The following DFFB variants were observed in gnomAD, a reference collection of about 807,000 sequenced individuals.
The protein encoded by DFFB is DNA fragmentation factor subunit beta.
DFFB carries 29 observed loss-of-function variants against 32.7 expected under a neutral mutation model. The ratio of observed to expected loss-of-function variants is 0.89; its 90% CI spans 0.66 to 1.21. The LOEUF (loss-of-function observed/expected upper bound fraction) is 1.21, where lower values mean the gene tolerates loss of function less well. DFFB is among the 50% of genes most tolerant of loss of function. The probability of loss-of-function intolerance (pLI) is 0.00; values close to 1 mark genes in which losing one functional copy is unlikely to be tolerated. For synonymous variants in DFFB, 170 were observed against 177.1 expected, an observed-to-expected ratio of 0.96 and a Z score of 0.32; for missense variants, 398 against 440.6, an observed-to-expected ratio of 0.90 and a Z score of 0.87.
At chr1:3,861,247 G>T (rs754639810) in intron 2 of DFFB, among the ~76,000 whole-genome samples, 4 of 151,860 alleles carry the variant, frequency 2.6e-5, no homozygotes, top group African/African-American at 4.8e-5. Context: ...AGGCTCCCGA[G>T]ATGCATGTAA....
intron 5 of DFFB, 97 bp from the exon 6 acceptor site, chr1:3,872,375 T>C (rs1645133940): frequency 1.2e-6 from 1 of 868,714 alleles, no homozygotes; most frequent in Non-Finnish European, 1.9e-6. Flanking sequence ...ATCGGGCCAC[T>C]GCACTCCAGC....
intron 4 of DFFB, among the ~76,000 whole-genome samples, chr1:3,868,452 C>T (rs1302652534): frequency 6.6e-6 from 1 of 152,142 alleles, no homozygotes; most frequent in Non-Finnish European, 1.5e-5. Context: ...ATCTGAGGCC[C>T]TTCCCATGAG....
rs1187496540 is a variant in DFFB, at chr1:3,865,795, T to G, written c.242-17T>G. On this transcript the variant is annotated splice_polypyrimidine_tract_variant and intron_variant, in intron 2 of 6. Transcript: ENST00000378209. The surrounding 1 kb of genome is among the most constrained non-coding windows in gnomAD (Gnocchi z 4.7). The stretch of plus-strand genomic sequence containing the variant: ...TTCTGCTGGACCGGCACCTTTTGTT[T>G]GTCCCATTGGTGGCAGATGTGAGCG... 6.2e-7 allele frequency: 1 copy of G among 1,614,106 alleles called. No individual in the cohort carries two copies. The highest frequency in any genetic ancestry group is 8.5e-7 in the Non-Finnish European group (1 of 1,180,036).
chr1:3,873,633 C>A (rs1645162910), intron 6 of DFFB, among the ~76,000 whole-genome samples: 1 of 152,116 alleles, frequency 6.6e-6, no homozygotes, highest in African/African-American at 2.4e-5. Context: ...GCACGTGGCA[C>A]CACGTCCAGC....
intron 6 of DFFB, among the ~76,000 whole-genome samples, chr1:3,882,195 G>A (rs1476628632): frequency 6.6e-6 from 1 of 151,852 alleles, no homozygotes; most frequent in Admixed American, 6.6e-5. Context: ...TGGGATTACA[G>A]GCGTGCGCCA....
Position 3,872,516 on chromosome 1 carries a change from C to T in DFFB, c.726C>T (p.Asn242=), listed in dbSNP as rs1645139458. The T allele has an allele frequency of 1.9e-6, 3 of 1,614,054 alleles. No homozygotes were observed. Among genetic ancestry groups the T allele is most frequent in the Admixed American group, 1.7e-5 (1 of 60,008 alleles). ...MDSCLSRHSI[N]PYSNRESRIL... ...GCTGCTTATCAAGACACTCCATCAA[C>T]CCCTACAGTAACAGGGAGAGCAGGA... The change falls in exon 6 of 7, where the codon AAC becomes AAT. Residue 242 remains asparagine (N), a synonymous_variant. Transcript: ENST00000378209.
In DFFB at chr1:3,885,157, T is replaced by C. The variant is rs1274380833; in HGVS notation, c.*1416T>C. On this transcript the variant is annotated 3_prime_UTR_variant, in exon 7 of 7. Coordinates refer to ENST00000378209, the MANE Select transcript of DFFB (RefSeq NM_004402.4). Reference sequence around the variant, plus strand: ...ATCATCTCGGATCATATGGAGCTCATGTCAGCCGTGTGGGTGGCGGGTGCA... The same window carrying C: ...ATCATCTCGGATCATATGGAGCTCACGTCAGCCGTGTGGGTGGCGGGTGCA... 1.3e-5 allele frequency: 2 copies of C among 152,194 alleles called. No homozygotes were observed. The highest frequency in any genetic ancestry group is 2.9e-5 in the Non-Finnish European group (2 of 68,026). The allele number at this position is 152,194 out of a possible 1,614,324, so 9.4% of individuals were successfully genotyped here.
rs187162924 is a variant in DFFB, at chr1:3,872,218, T to G, written c.682-254T>G. Among the ~76,000 whole-genome samples the G allele has an allele frequency of 1.2e-4, 19 of 152,144 alleles. No individual in the cohort carries two copies. In the East Asian group the frequency reaches 1.9e-3, roughly 16 times the overall value. ...TCACGAGGTCAAGAGATCGAGACCA[T>G]CCTGGCCAACAAGGTGAAACCCTGT... On this transcript the variant is annotated intron_variant, in intron 5 of 6. Transcript: ENST00000378209.
chr1:3,870,773 G>A (rs1472414506), intron 5 of DFFB, among the ~76,000 whole-genome samples: 5 of 152,192 alleles, frequency 3.3e-5, no homozygotes. Context: ...TTGACTGATA[G>A]GTGGGGGTGC....
intron 1 of DFFB, 73 bp from the exon 2 acceptor site, chr1:3,858,645 T>G: frequency 7.1e-5 from 109 of 1,533,268 alleles, no homozygotes; most frequent in Middle Eastern, 1.7e-4. Flanking sequence ...TTCCGGTCGT[T>G]TGTGAGGCCT....
At chr1:3,869,812 T>A in intron 5 of DFFB, 37 bp downstream of exon 5, 1 of 1,554,796 alleles carries the variant, frequency 6.4e-7, no homozygotes, top group Non-Finnish European at 8.7e-7. Context: ...GCCACCCGGC[T>A]GGCCTGTGGA....
intron 3 of DFFB, among the ~76,000 whole-genome samples, chr1:3,867,009 C>T (rs10797349): frequency 0.66 from 100,080 of 151,908 alleles, 37,368 homozygotes; most frequent in Non-Finnish European, 0.87. Context: ...CATTCTCCAG[C>T]CTCAGCCTCC....
Position 3,865,657 on chromosome 1 carries a change from G to A in DFFB, c.242-155G>A, listed in dbSNP as rs1644963006. On this transcript the variant is annotated intron_variant, in intron 2 of 6. Transcript: ENST00000378209. The surrounding 1 kb of genome is among the most constrained non-coding windows in gnomAD (Gnocchi z 4.7). The stretch of plus-strand genomic sequence containing the variant: ...GTGGTCCCCAGCTGTTGGTGTCAGG[G>A]CAAGGACAAAGACCCGGGACACCTC... 2 of 1,170,170 alleles carry A rather than the reference G, an allele frequency of 1.7e-6. No homozygotes were observed. Among genetic ancestry groups the A allele is most frequent in the Non-Finnish European group, 1.3e-6 (1 of 779,682 alleles). 72.5% of individuals were successfully genotyped at this position (1,170,170 alleles called of 1,614,324 possible).
intron 2 of DFFB, among the ~76,000 whole-genome samples, chr1:3,863,062 T>G (rs1644907854): frequency 1.3e-5 from 2 of 152,158 alleles, no homozygotes; most frequent in Admixed American, 1.3e-4. Context: ...GGCAGGAGAA[T>G]TGCTTGAACC....
intron 6 of DFFB, among the ~76,000 whole-genome samples, chr1:3,877,897 T>C (rs1335927459): frequency 6.6e-6 from 1 of 152,104 alleles, no homozygotes; most frequent in African/African-American, 2.4e-5. Context: ...CCTGTGGCGT[T>C]TCCACCCCTT....
chr1:3,862,617 T>A (rs1470607542), intron 2 of DFFB, among the ~76,000 whole-genome samples: 3 of 152,202 alleles, frequency 2.0e-5, no homozygotes, highest in Non-Finnish European at 4.4e-5. Flanking sequence ...CTTCAACAGA[T>A]AGTGCTGGGA....
intron 3 of DFFB, 143 bp downstream of exon 3, chr1:3,866,143 C>A: frequency 1.4e-6 from 1 of 713,330 alleles, no homozygotes; most frequent in Non-Finnish European, 2.4e-6. Flanking sequence ...AAAATGTGCT[C>A]ATTTCCCAGC....
At chr1:3,871,761 C>T (rs1036912380) in intron 5 of DFFB, among the ~76,000 whole-genome samples, 5 of 152,204 alleles carry the variant, frequency 3.3e-5, no homozygotes, top group African/African-American at 4.8e-5. Context: ...AATTGGCTTA[C>T]GGTTCAGCAG....
rs1644953385 is a variant in DFFB at position 3,865,233 on chromosome 1, T to C, written c.242-579T>C. 6.6e-6 allele frequency among the ~76,000 whole-genome samples: 1 copy of C among 152,202 alleles called. No homozygotes were observed. The highest frequency in any genetic ancestry group is 1.5e-5 in the Non-Finnish European group (1 of 68,046). On this transcript the variant is annotated intron_variant, in intron 2 of 6. Transcript: ENST00000378209. The surrounding 1 kb of genome is among the most constrained non-coding windows in gnomAD (Gnocchi z 4.7). ...TTCTTCTGACCCACTGATGTGATCG[T>C]GAGGCTTTTCTCATATGGTGGATCG... is the stretch of plus-strand genomic sequence containing the variant.
Sources: allele counts gnomAD v4.1 joint callset (sites outside exome capture counted in the v4.1 genomes callset), GRCh38; gene constraint gnomAD v4.1.1; non-coding constraint Gnocchi (gnomAD v3.1); transcripts MANE v1.5; gene names NCBI Gene and HGNC (gene_info 2026-07-23, HGNC 2026-07-21).